Variants in CHL1 observed in about 807,000 individuals in gnomAD.
The protein encoded by CHL1 is neural cell adhesion molecule L1-like protein.
CHL1 carries 96 observed loss-of-function variants against 141.9 expected under a neutral mutation model. That is an observed-to-expected ratio of 0.68 (90% CI 0.57 to 0.80). CHL1 has a LOEUF of 0.80. CHL1 is among the 30% of genes least tolerant of loss of function. CHL1 has a pLI of 0.00. For missense variants in CHL1, 1,820 were observed against 1,457.2 expected (o/e 1.25, Z -4.05); for synonymous variants, 613 against 502.2 (o/e 1.22, Z -2.95).
At chr3:364,214 A>G (rs1704583901) in intron 14 of CHL1, among the ~76,000 whole-genome samples, 1 of 151,034 alleles carries the variant, frequency 6.6e-6, no homozygotes, top group Non-Finnish European at 1.5e-5. Flanking sequence ...ATTTTATAGC[A>G]TTTGTCTCTT....
intron 2 of CHL1, among the ~76,000 whole-genome samples, chr3:287,206 G>A (rs7629803): frequency 0.37 from 56,402 of 151,338 alleles, 10,767 homozygotes; most frequent in South Asian, 0.56. Context: ...AATTTAAAAT[G>A]TCATATATTA....
At chr3:288,479 C>T (rs1227971880) in intron 2 of CHL1, among the ~76,000 whole-genome samples, 2 of 152,188 alleles carry the variant, frequency 1.3e-5, no homozygotes, top group African/African-American at 4.8e-5. Context: ...CAGTTTGCTA[C>T]TAATGAGGTC....
chr3:398,963 A>G, intron 25 of CHL1, 54 bp from the exon 26 acceptor site: 2 of 1,558,208 alleles, frequency 1.3e-6, no homozygotes, highest in Non-Finnish European at 1.8e-6. Context: ...AATGTTACAG[A>G]ATACAAAAGA....
intron 3 of CHL1, among the ~76,000 whole-genome samples, chr3:323,135 A>T (rs1700729593): frequency 1.3e-5 from 2 of 152,080 alleles, no homozygotes; most frequent in African/African-American, 4.8e-5. Flanking sequence ...CTGACAAATT[A>T]TGGTTGTTCA....
chr3:267,292 C>T (rs908225577), intron 2 of CHL1, among the ~76,000 whole-genome samples: 13 of 152,272 alleles, frequency 8.5e-5, no homozygotes, highest in Non-Finnish European at 1.6e-4. Flanking sequence ...CCCTGGTGAC[C>T]TGTGGGCACA....
chr3:238,877 G>A (rs1168364487), intron 1 of CHL1, among the ~76,000 whole-genome samples: 2 of 152,090 alleles, frequency 1.3e-5, no homozygotes, highest in Admixed American at 6.5e-5. Context: ...AGGTTGCAGT[G>A]AGCCAAAATC....
At chr3:377,710 T>G (rs1706511537) in intron 15 of CHL1, 108 bp from the exon 16 acceptor site, 3 of 949,594 alleles carry the variant, frequency 3.2e-6, no homozygotes, top group Non-Finnish European at 4.6e-6. Flanking sequence ...AAAGTCATCT[T>G]TCACTCTTAG....
intron 16 of CHL1, among the ~76,000 whole-genome samples, chr3:379,994 A>C (rs1706834514): frequency 6.6e-6 from 1 of 152,148 alleles, no homozygotes; most frequent in Non-Finnish European, 1.5e-5. Context: ...TGACATAAAC[A>C]TGCTTTCAGG....
chr3:380,485 T>G (rs1294628712), intron 16 of CHL1, among the ~76,000 whole-genome samples: 3 of 152,208 alleles, frequency 2.0e-5, no homozygotes, highest in African/African-American at 7.2e-5. Flanking sequence ...GTAAATACCA[T>G]TAGAAATAAG....
chr3:261,233 T>C (rs1437422316), intron 2 of CHL1, among the ~76,000 whole-genome samples: 1 of 152,118 alleles, frequency 6.6e-6, no homozygotes, highest in Non-Finnish European at 1.5e-5. Flanking sequence ...GCATCATGTT[T>C]ACTAATTTAT....
chr3:352,692 T>G (rs933190765), intron 10 of CHL1, among the ~76,000 whole-genome samples: 2 of 152,178 alleles, frequency 1.3e-5, no homozygotes, highest in African/African-American at 2.4e-5. Context: ...AGGACCAGCT[T>G]ACTTCTATAG....
chr3:320,440 A>G (rs1410587714), intron 3 of CHL1, among the ~76,000 whole-genome samples: 1 of 152,020 alleles, frequency 6.6e-6, no homozygotes, highest in African/African-American at 2.4e-5. Context: ...ATAAATATAT[A>G]TTCTAACATA....
chr3:350,324 C>T (rs1227138558), intron 10 of CHL1, among the ~76,000 whole-genome samples: 1 of 152,166 alleles, frequency 6.6e-6, no homozygotes, highest in Non-Finnish European at 1.5e-5. Context: ...TTTGTCTAGT[C>T]CTCTGAATGT....
intron 10 of CHL1, among the ~76,000 whole-genome samples, chr3:350,482 T>A (rs947268447): frequency 6.6e-6 from 1 of 152,218 alleles, no homozygotes; most frequent in African/African-American, 2.4e-5. Flanking sequence ...AAGGAATTAT[T>A]CTTTTTAGAC....
At chr3:214,328 C>T (rs567705078) in intron 1 of CHL1, among the ~76,000 whole-genome samples, 7 of 152,194 alleles carry the variant, frequency 4.6e-5, no homozygotes, top group East Asian at 1.9e-4. Context: ...ATTCTCTAGA[C>T]ACAATATGCA....
At chr3:365,809 TG>T in intron 14 of CHL1, 140 bp from the exon 15 acceptor site, 1 of 596,372 alleles carries the variant, frequency 1.7e-6, no homozygotes, top group South Asian at 2.3e-5. Flanking sequence ...TGACATACAA[TG>T]TTAGGAAATT....
intron 2 of CHL1, among the ~76,000 whole-genome samples, chr3:305,081 ACAT>A (rs1196543790): frequency 1.3e-5 from 2 of 152,144 alleles, no homozygotes; most frequent in African/African-American, 4.8e-5. Flanking sequence ...ATTTAGGAAA[ACAT>A]CATATCTCTA....
chr3:275,666 A>G (rs1274537780), intron 2 of CHL1, among the ~76,000 whole-genome samples: 2 of 152,188 alleles, frequency 1.3e-5, no homozygotes, highest in African/African-American at 2.4e-5. Context: ...TTTTTCCAAG[A>G]GTCTAACTTC....
intron 19 of CHL1, among the ~76,000 whole-genome samples, chr3:388,567 A>G (rs1193913061): frequency 1.4e-5 from 2 of 142,352 alleles, no homozygotes; most frequent in Admixed American, 7.1e-5. Flanking sequence ...AAAAAAAAAA[A>G]GAAACGAAAA....
Sources: allele counts gnomAD v4.1 joint callset (sites outside exome capture counted in the v4.1 genomes callset), GRCh38; gene constraint gnomAD v4.1.1; transcripts MANE v1.5; gene names NCBI Gene and HGNC (gene_info 2026-07-23, HGNC 2026-07-21).